OR5H14: variants seen among roughly 807,000 people sequenced by gnomAD.
The protein encoded by OR5H14 is olfactory receptor 5H14.
For synonymous variants in OR5H14, 155 were observed against 130.6 expected, an observed-to-expected ratio of 1.19 and a Z score of -1.28; for missense variants, 392 against 363.9, an observed-to-expected ratio of 1.08 and a Z score of -0.63.
chr3:98,154,847 AGTCTCTCCT>A lies in OR5H14; in HGVS notation c.*4530_*4538del, dbSNP rs1381420075. ...TTGATTTTGAAACAAAGATGGTAAC[AGTCTCTCCT>A]CAAAGCAAACTTCCTCCTAGCTTGG... On this transcript the variant is annotated 3_prime_UTR_variant, in exon 2 of 2. Coordinates refer to ENST00000641380, the MANE Select transcript of OR5H14 (RefSeq NM_001005514.2). 1 of 152,230 alleles carries A rather than the reference AGTCTCTCCT, an allele frequency of 6.6e-6. No individual in the cohort carries two copies. The highest frequency in any genetic ancestry group is 6.5e-5 in the Admixed American group (1 of 15,274). 9.4% of individuals were successfully genotyped at this position (152,230 alleles called of 1,614,324 possible). A position where few individuals can be genotyped will look rare whatever the true frequency, so the allele number is the denominator to read the frequency against.
In OR5H14 at chr3:98,156,487, A is replaced by C; in HGVS notation, c.*6169A>C. The C allele has an allele frequency of 6.6e-6, 1 of 152,162 alleles. No individual in the cohort carries two copies. The highest frequency in any genetic ancestry group is 1.9e-4 in the East Asian group (1 of 5,194). 9.4% of individuals were successfully genotyped at this position (152,162 alleles called of 1,614,324 possible). On this transcript the variant is annotated 3_prime_UTR_variant, in exon 2 of 2. Coordinates refer to ENST00000641380, the MANE Select transcript of OR5H14 (RefSeq NM_001005514.2). ...AATAAGTTTTTAATGATAATTCATT[A>C]TCTTGTTAACCTGACTATAATGATG...
Position 98,154,147 on chromosome 3 carries a change from T to C in OR5H14, c.*3829T>C, listed in dbSNP as rs921211771. 6.6e-5 allele frequency: 10 copies of C among 152,194 alleles called. 1 individual carries two copies. In the South Asian group the frequency reaches 1.0e-3, roughly 16 times the overall value. The allele number at this position is 152,194 out of a possible 1,614,324, so 9.4% of individuals were successfully genotyped here. On this transcript the variant is annotated 3_prime_UTR_variant, in exon 2 of 2. Transcript: ENST00000641380. ...AAATCATACTTTTAATTTTGCCTTA[T>C]AGTCAGAGATTAATTCCTGTTTTGT...
In OR5H14 at chr3:98,149,898, C is replaced by T; in HGVS notation, c.513C>T (p.Ser171=). ...TATTCAGACTAACCTTCTGTAACTC[C>T]AACATAATACAACACTTTTACTGTG... ...GFLFRLTFCN[S]NIIQHFYCDI... is the part of the protein sequence containing the mutation. The change falls in exon 2 of 2, where the codon TCC becomes TCT. Residue 171 remains serine, a synonymous_variant. Transcript: ENST00000641380. The T allele has an allele frequency of 6.2e-7, 1 of 1,613,294 alleles. No individual in the cohort carries two copies. Among genetic ancestry groups the T allele is most frequent in the Non-Finnish European group, 8.5e-7 (1 of 1,179,686 alleles).
Position 98,156,124 on chromosome 3 carries a change from T to C in OR5H14, c.*5806T>C, listed in dbSNP as rs1433008857. The C allele has an allele frequency of 1.3e-5, 2 of 152,124 alleles. No individual in the cohort carries two copies. Among genetic ancestry groups the C allele is most frequent in the Non-Finnish European group, 2.9e-5 (2 of 68,016 alleles). The allele number at this position is 152,124 out of a possible 1,614,324, so 9.4% of individuals were successfully genotyped here. A position where few individuals can be genotyped will look rare whatever the true frequency, so the allele number is the denominator to read the frequency against. ...GAAAGCAAATTTTTACAAACATTTT[T>C]CTAAGACTGGAAATGAAGCCTCCAA... On this transcript the variant is annotated 3_prime_UTR_variant, in exon 2 of 2. Transcript: ENST00000641380.
Position 98,152,562 on chromosome 3 carries a change from C to T in OR5H14, c.*2244C>T, listed in dbSNP as rs1328096601. 1 of 152,166 alleles carries T rather than the reference C, an allele frequency of 6.6e-6. No homozygotes were observed. The highest frequency in any genetic ancestry group is 1.5e-5 in the Non-Finnish European group (1 of 68,080). 9.4% of individuals were successfully genotyped at this position (152,166 alleles called of 1,614,324 possible). On this transcript the variant is annotated 3_prime_UTR_variant, in exon 2 of 2. Transcript: ENST00000641380. ...ACTAACACAGGAACAGAAAACAAAA[C>T]ACTGCAAGTTCTCACTCATAAGTGT... is the stretch of plus-strand genomic sequence containing the variant.
chr3:98,148,880 C>T (rs2107316583), intron 1 of OR5H14, among the ~76,000 whole-genome samples: 1 of 152,124 alleles, frequency 6.6e-6, no homozygotes, highest in South Asian at 2.1e-4. Flanking sequence ...TAACAAGTTT[C>T]TAATTAGTAC....
rs563346067 is a variant in OR5H14 at position 98,154,802 on chromosome 3, C to A, written c.*4484C>A. ...CATTCCTGAGTGTAGGTCCAACTAC[C>A]TCTGGGAGGAATTTATAGTTTGATT... On this transcript the variant is annotated 3_prime_UTR_variant, in exon 2 of 2. Transcript: ENST00000641380. The A allele has an allele frequency of 6.6e-6, 1 of 151,934 alleles. No individual in the cohort carries two copies. Among genetic ancestry groups the A allele is most frequent in the African/African-American group, 2.4e-5 (1 of 41,386 alleles). The allele number at this position is 151,934 out of a possible 1,614,324, so 9.4% of individuals were successfully genotyped here. A position where few individuals can be genotyped will look rare whatever the true frequency, so the allele number is the denominator to read the frequency against.
chr3:98,154,697 A>T lies in OR5H14; in HGVS notation c.*4379A>T, dbSNP rs964888816. ...CCTTTGCAAAAATGATGACAGAAAA[A>T]TCTCACATAGGAATATTATGACAGT... On this transcript the variant is annotated 3_prime_UTR_variant, in exon 2 of 2. Coordinates refer to ENST00000641380, the MANE Select transcript of OR5H14 (RefSeq NM_001005514.2). 1 of 152,248 alleles carries T rather than the reference A, an allele frequency of 6.6e-6. No homozygotes were observed. The highest frequency in any genetic ancestry group is 1.5e-5 in the Non-Finnish European group (1 of 68,034). The allele number at this position is 152,248 out of a possible 1,614,324, so 9.4% of individuals were successfully genotyped here.
At position 98,149,709 on chromosome 3, in the gene OR5H14, A is replaced by T; in HGVS notation, c.324A>T (p.Val108=). 1 of 1,613,304 alleles carries T rather than the reference A, an allele frequency of 6.2e-7. No homozygotes were observed. ...AGTTGTTTTCGTTTGCAATCAGTGT[A>T]ACCACGGAATGTTTTCTCTTGGCAA... ...KIQLFSFAIS[V]TTECFLLATM... The change falls in exon 2 of 2, where the codon GTA becomes GTT. Residue 108 remains valine (V), a synonymous_variant. Coordinates refer to ENST00000641380, the MANE Select transcript of OR5H14 (RefSeq NM_001005514.2).
Position 98,156,613 on chromosome 3 carries a change from A to G in OR5H14, c.*6295A>G, listed in dbSNP as rs1388028943. On this transcript the variant is annotated 3_prime_UTR_variant, in exon 2 of 2. Coordinates refer to ENST00000641380, the MANE Select transcript of OR5H14 (RefSeq NM_001005514.2). ...ATAGGATACTTTTCTGATGGTTGTGATGTAGTTTCATTCTCTGTAATCACA... is the reference window on the plus strand; with the variant it reads ...ATAGGATACTTTTCTGATGGTTGTGGTGTAGTTTCATTCTCTGTAATCACA... The G allele has an allele frequency of 6.6e-6, 1 of 152,096 alleles. No individual in the cohort carries two copies. Among genetic ancestry groups the G allele is most frequent in the Non-Finnish European group, 1.5e-5 (1 of 67,974 alleles). The allele number at this position is 152,096 out of a possible 1,614,324, so 9.4% of individuals were successfully genotyped here. A position where few individuals can be genotyped will look rare whatever the true frequency, so the allele number is the denominator to read the frequency against.
rs771423443 is a variant in OR5H14 at position 98,149,837 on chromosome 3, G to A, written c.452G>A (p.Gly151Asp). The A allele has an allele frequency of 1.4e-5, 22 of 1,612,924 alleles. No homozygotes were observed. In the East Asian group the frequency reaches 4.7e-4, roughly 34 times the overall value. ...CIRLLILSYV[G>D]GLLHALIHEG... ...CGGCTATTAATCTTGTCATATGTAG[G>A]TGGTCTTCTTCATGCTTTAATCCAT... Residue 151 changes from glycine (G) to aspartate (D), a missense_variant, in exon 2 of 2, where the codon GGT becomes GAT. Transcript: ENST00000641380.
rs2107320931 is a variant in OR5H14 at position 98,154,662 on chromosome 3, G to A, written c.*4344G>A. 6.6e-6 allele frequency: 1 copy of A among 152,322 alleles called. No individual in the cohort carries two copies. Among genetic ancestry groups the A allele is most frequent in the Admixed American group, 6.5e-5 (1 of 15,294 alleles). 9.4% of individuals were successfully genotyped at this position (152,322 alleles called of 1,614,324 possible). ...ATAGAGTATGATAGAATGAAATATA[G>A]TTGAAACCACCTTTGCAAAAATGAT... On this transcript the variant is annotated 3_prime_UTR_variant, in exon 2 of 2. Coordinates refer to ENST00000641380, the MANE Select transcript of OR5H14 (RefSeq NM_001005514.2).
Position 98,149,327 on chromosome 3 carries a change from C to T in OR5H14, c.-18-41C>T, listed in dbSNP as rs181060289. 6.7e-5 allele frequency: 107 copies of T among 1,586,070 alleles called. No individual in the cohort carries two copies. In the East Asian group the frequency reaches 2.2e-3, roughly 33 times the overall value. ...CTTTCCCAATTTCAACTCATAATGT[C>T]ATTGCAGATGTTCCCTTTCATTTGT... is the stretch of plus-strand genomic sequence containing the variant. On this transcript the variant is annotated intron_variant, in intron 1 of 1. Coordinates refer to ENST00000641380, the MANE Select transcript of OR5H14 (RefSeq NM_001005514.2).
rs767211498 is a variant in OR5H14, at chr3:98,149,992, G to T, written c.607G>T (p.Ala203Ser). Residue 203 changes from alanine (A) to serine (S), a missense_variant, in exon 2 of 2, where the codon GCA (alanine) becomes TCA (serine). Ala to Ser is a moderately conservative substitution (Grantham distance 99, BLOSUM62 1). Coordinates refer to ENST00000641380, the MANE Select transcript of OR5H14 (RefSeq NM_001005514.2). Reference sequence around the variant, plus strand: ...TAACTTTCTAATGGTTTTTATTTTTGCAGGTTCAATTCAAGTTTTTACCAT... The same window carrying T: ...TAACTTTCTAATGGTTTTTATTTTTTCAGGTTCAATTCAAGTTTTTACCAT... ...SINFLMVFIF[A>S]GSIQVFTIGT... 9.1e-5 allele frequency: 147 copies of T among 1,612,626 alleles called. No individual in the cohort carries two copies. The highest frequency in any genetic ancestry group is 1.2e-4 in the Non-Finnish European group (139 of 1,179,434).
chr3:98,148,284 C>CT (rs770244024), intron 1 of OR5H14: 2 of 152,046 alleles, frequency 1.3e-5, no homozygotes, highest in Non-Finnish European at 2.9e-5. Flanking sequence ...GGCTATTTAC[C>CT]AGACATATGT....
rs768902503 is a variant in OR5H14, at chr3:98,149,668, T to G, written c.283T>G (p.Ser95Ala). The change falls in exon 2 of 2, where the codon TCT becomes GCT. Residue 95 changes from serine to alanine, a missense_variant. Coordinates refer to ENST00000641380, the MANE Select transcript of OR5H14 (RefSeq NM_001005514.2). ...AGCTAAGAGTAAGATGATATCTCTC[T>G]CTGAATGCAAGATACAGTTGTTTTC... ...FLAKSKMISL[S>A]ECKIQLFSFA... 26 of 1,613,440 alleles carry G rather than the reference T, an allele frequency of 1.6e-5. No individual in the cohort carries two copies. Among genetic ancestry groups the G allele is most frequent in the Non-Finnish European group, 2.0e-5 (24 of 1,179,632 alleles).
chr3:98,149,218 C>T lies in OR5H14; in HGVS notation c.-18-150C>T, dbSNP rs72927989. On this transcript the variant is annotated intron_variant, in intron 1 of 1. Coordinates refer to ENST00000641380, the MANE Select transcript of OR5H14 (RefSeq NM_001005514.2). ...CTAAAATATGACATTTTTTTCATTT[C>T]TTTAACCCCTTATAGGATTTCTTAT... 0.012 allele frequency: 10,431 copies of T among 855,070 alleles called. 677 individuals carry two copies. The African/African-American group carries it at 0.15, about 12-fold the overall frequency. The allele number at this position is 855,070 out of a possible 1,614,324, so 53.0% of individuals were successfully genotyped here. A position where few individuals can be genotyped will look rare whatever the true frequency, so the allele number is the denominator to read the frequency against.
At position 98,155,526 on chromosome 3, in the gene OR5H14, T is replaced by C. The variant is rs1429552653; in HGVS notation, c.*5208T>C. On this transcript the variant is annotated 3_prime_UTR_variant, in exon 2 of 2. Coordinates refer to ENST00000641380, the MANE Select transcript of OR5H14 (RefSeq NM_001005514.2). ...AGTTATAGTGACAGCACCAACTAGG[T>C]GGCAAGGCATTGCAAGATTGTCTTT... 7 of 152,234 alleles carry C rather than the reference T, an allele frequency of 4.6e-5. No homozygotes were observed. Among genetic ancestry groups the C allele is most frequent in the African/African-American group, 1.7e-4 (7 of 41,476 alleles). The allele number at this position is 152,234 out of a possible 1,614,324, so 9.4% of individuals were successfully genotyped here.
rs1023937047 is a variant in OR5H14, at chr3:98,154,049, G to A, written c.*3731G>A. On this transcript the variant is annotated 3_prime_UTR_variant, in exon 2 of 2. Coordinates refer to ENST00000641380, the MANE Select transcript of OR5H14 (RefSeq NM_001005514.2). ...TTGTAACTAGGTTAATGAGTTGAAG[G>A]TGGATCCCACTGATGAATAGGACAA... 1 of 152,144 alleles carries A rather than the reference G, an allele frequency of 6.6e-6. No homozygotes were observed. Among genetic ancestry groups the A allele is most frequent in the African/African-American group, 2.4e-5 (1 of 41,434 alleles). The allele number at this position is 152,144 out of a possible 1,614,324, so 9.4% of individuals were successfully genotyped here.
Sources: gnomAD v4.1 joint callset for allele counts (sites outside exome capture counted in the v4.1 genomes callset) on GRCh38, gnomAD v4.1.1 for gene constraint, MANE v1.5 for transcripts, NCBI Gene and HGNC (gene_info 2026-07-23, HGNC 2026-07-21) for gene names.